Variants in ZBTB46 observed in about 807,000 individuals in gnomAD.
ZBTB46 encodes zinc finger and BTB domain-containing protein 46.
A neutral mutation model predicts 44.1 loss-of-function variants in ZBTB46; 8 were observed. The observed-to-expected ratio is 0.18, with a 90% CI of 0.11 to 0.33. ZBTB46 has a LOEUF of 0.33. Among genes scored for constraint, ZBTB46 ranks in the 10% least tolerant of loss-of-function variants. The pLI, the probability that ZBTB46 is intolerant of heterozygous loss-of-function variation, is 1.00. For synonymous variants in ZBTB46, 409 were observed against 382.3 expected (o/e 1.07, Z -0.81); for missense variants, 651 against 847.7 (o/e 0.77, Z 2.88).
chr20:63,776,102 C>G, intron 2 of ZBTB46, 140 bp from the exon 3 acceptor site: 1 of 1,102,374 alleles, frequency 9.1e-7, no homozygotes, highest in South Asian at 1.9e-5. Context: ...ACCCTGGGAG[C>G]CGGGCACCTG....
Position 63,767,851 on chromosome 20 carries a change from G to T in ZBTB46, c.1222+7827C>A. On this transcript the variant is annotated intron_variant, in intron 3 of 4. Transcript: ENST00000245663. The surrounding 1 kb of genome is among the most constrained non-coding windows in gnomAD (Gnocchi z 5.0). ...GGGCTGGGCAAGTCCATCCAGGCCT[G>T]GGCTGGAAGAAGACTCCTCAGGCAT... 2 of 982,154 alleles carry T rather than the reference G, an allele frequency of 2.0e-6. No individual in the cohort carries two copies. Among genetic ancestry groups the T allele is most frequent in the Non-Finnish European group, 2.4e-6 (2 of 826,894 alleles). The allele number at this position is 982,154 out of a possible 1,614,324, so 60.8% of individuals were successfully genotyped here. A position where few individuals can be genotyped will look rare whatever the true frequency, so the allele number is the denominator to read the frequency against.
chr20:63,799,034 A>C (rs745543105), intron 1 of ZBTB46, among the ~76,000 whole-genome samples: 2 of 151,908 alleles, frequency 1.3e-5, no homozygotes, highest in Middle Eastern at 3.4e-3. Flanking sequence ...TATTTTGGTG[A>C]AACTGTTTTG....
intron 3 of ZBTB46, among the ~76,000 whole-genome samples, chr20:63,772,250 C>T (rs1353618893): frequency 6.6e-6 from 1 of 151,976 alleles, no homozygotes; most frequent in African/African-American, 2.4e-5. Context: ...CCTGCCTTGG[C>T]CTCCCAAAGT....
At chr20:63,801,181 C>T (rs998155094) in intron 1 of ZBTB46, among the ~76,000 whole-genome samples, 3 of 151,990 alleles carry the variant, frequency 2.0e-5, no homozygotes, top group Non-Finnish European at 4.4e-5. Flanking sequence ...CTTAGAGAAC[C>T]TTTATGTCTA....
At chr20:63,776,053 G>A (rs2092423453) in intron 2 of ZBTB46, 91 bp from the exon 3 acceptor site, 1 of 1,430,410 alleles carries the variant, frequency 7.0e-7, no homozygotes, top group Non-Finnish European at 9.2e-7. Context: ...ACAGCGACCA[G>A]CTTCTGCCTG....
At chr20:63,773,372 G>T (rs904887303) in intron 3 of ZBTB46, among the ~76,000 whole-genome samples, 4 of 152,002 alleles carry the variant, frequency 2.6e-5, no homozygotes, top group Admixed American at 6.6e-5. Flanking sequence ...GGGACTACGG[G>T]CACAAGGCAC....
chr20:63,747,931 G>T (rs1036550265), intron 4 of ZBTB46, among the ~76,000 whole-genome samples: 1 of 152,332 alleles, frequency 6.6e-6, no homozygotes, highest in Non-Finnish European at 1.5e-5. Context: ...CAGGCTGAGG[G>T]CCCCGCATTG....
At chr20:63,801,750 G>A (rs1175366155) in intron 1 of ZBTB46, among the ~76,000 whole-genome samples, 1 of 152,072 alleles carries the variant, frequency 6.6e-6, no homozygotes, top group Non-Finnish European at 1.5e-5. Flanking sequence ...TTTAAGAACT[G>A]TAACACTCAC....
At chr20:63,771,162 C>T (rs1051151111) in intron 3 of ZBTB46, among the ~76,000 whole-genome samples, 1 of 152,188 alleles carries the variant, frequency 6.6e-6, no homozygotes, top group Non-Finnish European at 1.5e-5. Context: ...ACCGGGGACC[C>T]TCGCCCAGCC....
chr20:63,771,346 C>T (rs2092369834), intron 3 of ZBTB46, among the ~76,000 whole-genome samples: 1 of 152,090 alleles, frequency 6.6e-6, no homozygotes, highest in South Asian at 2.1e-4. Context: ...CCACATTCAG[C>T]AATGGGAGGA....
chr20:63,812,675 A>G (rs570542982), intron 1 of ZBTB46, among the ~76,000 whole-genome samples: 39 of 152,318 alleles, frequency 2.6e-4, no homozygotes, highest in African/African-American at 7.7e-4. Flanking sequence ...ACTACTCGGG[A>G]GGCTGAGGCG....
Position 63,752,996 on chromosome 20 carries a change from A to G in ZBTB46, c.1223-135T>C. ...CACGGCCACCCACTGGGGGCTGGTC[A>G]GCACTGCGACAGGCCAGGCTCCCCC... On this transcript the variant is annotated intron_variant, in intron 3 of 4. Transcript: ENST00000245663. The surrounding 1 kb of genome is among the most constrained non-coding windows in gnomAD (Gnocchi z 5.6). 2 of 935,016 alleles carry G rather than the reference A, an allele frequency of 2.1e-6. No individual in the cohort carries two copies. Among genetic ancestry groups the G allele is most frequent in the Non-Finnish European group, 3.1e-6 (2 of 647,248 alleles). The allele number at this position is 935,016 out of a possible 1,614,324, so 57.9% of individuals were successfully genotyped here.
At chr20:63,817,301 G>T (rs767566924) in intron 1 of ZBTB46, among the ~76,000 whole-genome samples, 61 of 151,648 alleles carry the variant, frequency 4.0e-4, no homozygotes, top group Non-Finnish European at 7.7e-4. Flanking sequence ...AGCTACTTGG[G>T]AGGCTGAGGC....
At chr20:63,824,444 C>A (rs2146097470) in intron 1 of ZBTB46, among the ~76,000 whole-genome samples, 1 of 152,262 alleles carries the variant, frequency 6.6e-6, no homozygotes, top group African/African-American at 2.4e-5. Flanking sequence ...ACAAGAAAGA[C>A]TACAGACCAT....
At chr20:63,778,515 C>A (rs1163086756) in intron 2 of ZBTB46, among the ~76,000 whole-genome samples, 1 of 152,182 alleles carries the variant, frequency 6.6e-6, no homozygotes, top group East Asian at 1.9e-4. Flanking sequence ...CTGCAAACAC[C>A]CCTGGAACAA....
intron 1 of ZBTB46, chr20:63,815,318 G>A (rs530304706): frequency 1.7e-5 from 5 of 290,950 alleles, no homozygotes; most frequent in African/African-American, 9.4e-5. Context: ...GGGTGCAGAT[G>A]GGCACAGGTG....
chr20:63,797,402 T>C (rs1006304706), intron 1 of ZBTB46, among the ~76,000 whole-genome samples: 7 of 151,938 alleles, frequency 4.6e-5, no homozygotes, highest in East Asian at 3.8e-4. Context: ...TGGTCTATCA[T>C]TGATGGATGT....
intron 1 of ZBTB46, among the ~76,000 whole-genome samples, chr20:63,818,871 C>CAAAAAA (rs141702422): frequency 1.3e-5 from 1 of 79,962 alleles, no homozygotes; most frequent in Non-Finnish European, 2.5e-5. Flanking sequence ...AACTCCAGCT[C>CAAAAAA]AAAAAAAAAA....
intron 1 of ZBTB46, among the ~76,000 whole-genome samples, chr20:63,798,022 T>C (rs1279925781): frequency 2.0e-5 from 3 of 152,260 alleles, no homozygotes; most frequent in African/African-American, 7.2e-5. Context: ...TCATCAATTT[T>C]GGCTTTTGTT....
Sources: allele counts gnomAD v4.1 joint callset (sites outside exome capture counted in the v4.1 genomes callset), GRCh38; gene constraint gnomAD v4.1.1; non-coding constraint Gnocchi (gnomAD v3.1); transcripts MANE v1.5; gene names NCBI Gene and HGNC (gene_info 2026-07-23, HGNC 2026-07-21).